PLBD2: variants seen among roughly 807,000 people sequenced by gnomAD.
The protein encoded by PLBD2 is putative aminopeptidase PLBD2.
Under a neutral mutation model 68.3 loss-of-function variants are expected in PLBD2, and 51 were observed. The observed-to-expected ratio is 0.75, with a 90% CI of 0.60 to 0.94. The LOEUF is 0.94. Among genes scored for constraint, PLBD2 ranks in the 40% least tolerant of loss-of-function variants. The pLI is 0.00. For synonymous variants in PLBD2, 314 were observed against 339.3 expected, an observed-to-expected ratio of 0.93 and a Z score of 0.82; for missense variants, 729 against 792.2, an observed-to-expected ratio of 0.92 and a Z score of 0.96.
At position 113,388,527 on chromosome 12, in the gene PLBD2, GC is replaced by G; in HGVS notation, c.1676del (p.Pro559ArgfsTer44). 1 of 1,610,672 alleles carries G rather than the reference GC, an allele frequency of 6.2e-7. No homozygotes were observed. The highest frequency in any genetic ancestry group is 8.5e-7 in the Non-Finnish European group (1 of 1,179,070). On this transcript the variant is annotated frameshift_variant, in exon 12 of 12. Coordinates refer to ENST00000280800, the MANE Select transcript of PLBD2 (RefSeq NM_173542.4). LOFTEE classifies it high-confidence loss of function. ...CCAGCGGTCCCACGTGGGACCAGGT[GC>G]CCCCGTTCCAGTGGAGCACCTCGCC... The part of the protein sequence containing the change: ...AASGPTWDQV[P>X]PFQWSTSPFS...
Position 113,388,601 on chromosome 12 carries a change from C to A in PLBD2, c.1745C>A (p.Ala582Glu). The A allele has an allele frequency of 6.3e-7, 1 of 1,595,642 alleles. No individual in the cohort carries two copies. Reference sequence around the variant, plus strand: ...GGCCAGCCAGACCTCTGGAAGTTCGCGCCTGTCAAGGTTTCATGGGACTGA... The same window carrying A: ...GGCCAGCCAGACCTCTGGAAGTTCGAGCCTGTCAAGGTTTCATGGGACTGA... ...HMGQPDLWKF[A>E]PVKVSWD Residue 582 changes from alanine to glutamate, a missense_variant, in exon 12 of 12, where the codon GCG becomes GAG. By Grantham distance (107) the Ala-to-Glu change is moderately radical. Transcript: ENST00000280800.
chr12:113,387,139 C>T, intron 10 of PLBD2, 50 bp downstream of exon 10: 4 of 1,512,716 alleles, frequency 2.6e-6, no homozygotes, highest in Non-Finnish European at 3.5e-6. Context: ...CGCAGGAACA[C>T]AGAACTTCCT....
In PLBD2 at chr12:113,385,291, C is replaced by T. The variant is rs112266113; in HGVS notation, c.1286+8C>T. On this transcript the variant is annotated splice_region_variant and intron_variant, in intron 9 of 11. Coordinates refer to ENST00000280800, the MANE Select transcript of PLBD2 (RefSeq NM_173542.4). ...GGCCAGCTACAACATACCGTGCGTGCCTTCTCACTCCGCTCCCCGTCACCC... is the reference window on the plus strand; with the variant it reads ...GGCCAGCTACAACATACCGTGCGTGTCTTCTCACTCCGCTCCCCGTCACCC... The T allele has an allele frequency of 8.8e-4, 1,420 of 1,613,176 alleles. 13 individuals carry two copies. In the African/African-American group the frequency reaches 0.013, roughly 15 times the overall value.
Position 113,372,944 on chromosome 12 carries a change from A to T in PLBD2, c.543+137A>T, listed in dbSNP as rs1478763155. The T allele has an allele frequency of 2.1e-6, 2 of 975,082 alleles. No individual in the cohort carries two copies. Among genetic ancestry groups the T allele is most frequent in the African/African-American group, 3.3e-5 (2 of 61,126 alleles). The allele number at this position is 975,082 out of a possible 1,614,324, so 60.4% of individuals were successfully genotyped here. A position where few individuals can be genotyped will look rare whatever the true frequency, so the allele number is the denominator to read the frequency against. On this transcript the variant is annotated intron_variant, in intron 3 of 11. Coordinates refer to ENST00000280800, the MANE Select transcript of PLBD2 (RefSeq NM_173542.4). This position sits in a 1 kb window ranked among gnomAD's most constrained non-coding sequence, Gnocchi z 4.2. ...TTCCATCATCATCTCCATCCCTCCT[A>T]GCCGACCTGCCACTCATCCATCTGC...
rs1359566542 is a variant in PLBD2, at chr12:113,358,740, G to A, written c.140G>A (p.Gly47Asp). ...GLAGAIPAPG[G>D]RWARDGQVPP... ...GCGGGGGCGATCCCAGCGCCGGGGG[G>A]CCGCTGGGCGCGCGATGGGCAGGTC... The change falls in exon 1 of 12, where the codon GGC (glycine) becomes GAC (aspartate). Residue 47 changes from glycine (G) to aspartate (D), a missense_variant. Coordinates refer to ENST00000280800, the MANE Select transcript of PLBD2 (RefSeq NM_173542.4). 3 of 1,392,148 alleles carry A rather than the reference G, an allele frequency of 2.2e-6. No individual in the cohort carries two copies. Among genetic ancestry groups the A allele is most frequent in the South Asian group, 1.7e-5 (1 of 59,750 alleles). 86.2% of individuals were successfully genotyped at this position (1,392,148 alleles called of 1,614,324 possible).
intron 5 of PLBD2, chr12:113,375,259 C>T (rs34340397): frequency 0.045 from 23,129 of 512,366 alleles, 672 homozygotes; most frequent in East Asian, 0.099. Flanking sequence ...TATCCTCCTG[C>T]CTCAGCCTCC....
At chr12:113,376,213 G>A (rs1957437051) in intron 5 of PLBD2, among the ~76,000 whole-genome samples, 4 of 147,824 alleles carry the variant, frequency 2.7e-5, no homozygotes, top group South Asian at 4.3e-4. Context: ...GCCTAAGCTG[G>A]AGTGCAGTGG....
In PLBD2 at chr12:113,380,705, C is replaced by T. The variant is rs1423319897; in HGVS notation, c.860-40C>T. 6 of 1,515,132 alleles carry T rather than the reference C, an allele frequency of 4.0e-6. No homozygotes were observed. The South Asian group carries it at 7.2e-5, about 18-fold the overall frequency. The allele number at this position is 1,515,132 out of a possible 1,614,324, so 93.9% of individuals were successfully genotyped here. On this transcript the variant is annotated intron_variant, in intron 5 of 11. Transcript: ENST00000280800. ...TAGGGTGCAGGGGCCTCCACCTGTG[C>T]CTGTCTGACCAGCATCCCTGGCTCG...
rs1339914525 is a variant in PLBD2, at chr12:113,374,792, G to C, written c.645-1G>C. On this transcript the variant is annotated splice_acceptor_variant, in intron 4 of 11. Coordinates refer to ENST00000280800, the MANE Select transcript of PLBD2 (RefSeq NM_173542.4). LOFTEE classifies it high-confidence loss of function. ...CCCTCTGATGCCCTGGCCCTCCTCA[G>C]CCTGCTGCAGCTCTCTGGGGACCTG... 8.7e-6 allele frequency: 14 copies of C among 1,613,632 alleles called. No individual in the cohort carries two copies. Among genetic ancestry groups the C allele is most frequent in the Non-Finnish European group, 1.2e-5 (14 of 1,180,022 alleles).
chr12:113,387,586 G>T (rs1279123903), intron 10 of PLBD2, among the ~76,000 whole-genome samples, 158 bp from the exon 11 acceptor site: 1 of 152,156 alleles, frequency 6.6e-6, no homozygotes. Context: ...AGGGGTCCGG[G>T]CCCCAGGCAG....
Position 113,382,838 on chromosome 12 carries a change from TGTGTGTGTG to T in PLBD2, c.958-1266_958-1258del, listed in dbSNP as rs1565863971. On this transcript the variant is annotated intron_variant, in intron 6 of 11. Coordinates refer to ENST00000280800, the MANE Select transcript of PLBD2 (RefSeq NM_173542.4). ...GGGTGGTGGTGGTGGTGGTTTTTTG[TGTGTGTGTG>T]TGTGTGTGTGTGTGTGTGTGTTTTT... Among the ~76,000 whole-genome samples, 209 of 98,220 alleles carry T rather than the reference TGTGTGTGTG, an allele frequency of 2.1e-3. 2 individuals are homozygous for T. Among genetic ancestry groups the T allele is most frequent in the African/African-American group, 7.3e-3 (194 of 26,688 alleles). The allele number at this position is 98,220 out of a possible 152,430, so 64.4% of individuals were successfully genotyped here.
chr12:113,365,418 C>T (rs1323504584), intron 1 of PLBD2, among the ~76,000 whole-genome samples: 2 of 151,526 alleles, frequency 1.3e-5, no homozygotes, highest in Admixed American at 6.6e-5. Context: ...CGGGTTCAAG[C>T]GATTCATGCC....
chr12:113,372,799 T>C lies in PLBD2; in HGVS notation c.535T>C (p.Trp179Arg). 6.2e-7 allele frequency: 1 copy of C among 1,613,050 alleles called. No homozygotes were observed. Among genetic ancestry groups the C allele is most frequent in the Non-Finnish European group, 8.5e-7 (1 of 1,179,878 alleles). The change falls in exon 3 of 12, where the codon TGG becomes CGG. Residue 179 changes from tryptophan to arginine, a missense_variant. Transcript: ENST00000280800. This position sits in a 1 kb window ranked among gnomAD's most constrained non-coding sequence, Gnocchi z 4.2. ...GGAGTCAAACCCAGACTCACCTTACTGGCACCAGGTGAGTCCTGCTGCCAC... is the reference window on the plus strand; with the variant it reads ...GGAGTCAAACCCAGACTCACCTTACCGGCACCAGGTGAGTCCTGCTGCCAC... Reference protein sequence around the residue: ...EMESNPDSPYWHQVRLTLLQL... With the variant: ...EMESNPDSPYRHQVRLTLLQL...
chr12:113,373,028 T>C (rs34750359), intron 3 of PLBD2, among the ~76,000 whole-genome samples: 7,466 of 152,314 alleles, frequency 0.049, 215 homozygotes, highest in Middle Eastern at 0.099. Context: ...CTACCTACAG[T>C]TAAATAATGA....
intron 6 of PLBD2, among the ~76,000 whole-genome samples, chr12:113,383,339 T>C (rs1201132375): frequency 6.6e-6 from 1 of 152,214 alleles, no homozygotes; most frequent in African/African-American, 2.4e-5. Flanking sequence ...TCTTTGGGCC[T>C]CTCAGGGGCT....
rs2136928045 is a variant in PLBD2 at position 113,389,571 on chromosome 12, C to T, written c.*945C>T. On this transcript the variant is annotated 3_prime_UTR_variant, in exon 12 of 12. Coordinates refer to ENST00000280800, the MANE Select transcript of PLBD2 (RefSeq NM_173542.4). ...ACCCATCATCCATCTGCACAGCCTTCCACCCACCCATCCGTCTTCCATCAT... is the reference window on the plus strand; with the variant it reads ...ACCCATCATCCATCTGCACAGCCTTTCACCCACCCATCCGTCTTCCATCAT... The T allele has an allele frequency of 6.6e-6, 1 of 152,452 alleles. No individual in the cohort carries two copies. The highest frequency in any genetic ancestry group is 2.1e-4 in the South Asian group (1 of 4,828). The allele number at this position is 152,452 out of a possible 1,614,324, so 9.4% of individuals were successfully genotyped here.
At chr12:113,380,295 C>A (rs1231146860) in intron 5 of PLBD2, among the ~76,000 whole-genome samples, 6 of 152,128 alleles carry the variant, frequency 3.9e-5, no homozygotes, top group Non-Finnish European at 8.8e-5. Flanking sequence ...CGCCACCACG[C>A]CTGGCTCATT....
At chr12:113,386,220 G>T (rs1957550725) in intron 9 of PLBD2, among the ~76,000 whole-genome samples, 1 of 152,172 alleles carries the variant, frequency 6.6e-6, no homozygotes, top group African/African-American at 2.4e-5. Flanking sequence ...ACAGAGTCTC[G>T]CTCTGTCACC....
chr12:113,380,310 G>T (rs1314538602), intron 5 of PLBD2, among the ~76,000 whole-genome samples: 1 of 151,992 alleles, frequency 6.6e-6, no homozygotes, highest in Non-Finnish European at 1.5e-5. Flanking sequence ...CTCATTTTTT[G>T]TATTTTTAGT....
Sources: gnomAD v4.1 joint callset for allele counts (sites outside exome capture counted in the v4.1 genomes callset) on GRCh38, gnomAD v4.1.1 for gene constraint, Gnocchi (gnomAD v3.1) non-coding constraint, MANE v1.5 for transcripts, NCBI Gene and HGNC (gene_info 2026-07-23, HGNC 2026-07-21) for gene names.